The following PHIP variants were observed in gnomAD, a reference collection of about 807,000 sequenced individuals.
PHIP encodes the protein PHIP subunit of CUL4-Ring ligase complex.
A neutral mutation model predicts 236.8 loss-of-function variants in PHIP; 54 were observed. The ratio of observed to expected loss-of-function variants is 0.23; its 90% CI spans 0.18 to 0.29. The LOEUF (loss-of-function observed/expected upper bound fraction) is 0.29. PHIP is among the 10% of genes least tolerant of loss of function. The pLI is 1.00. For missense variants in PHIP, 1,370 were observed against 2,190.8 expected, an observed-to-expected ratio of 0.63 and a Z score of 7.48; for synonymous variants, 756 against 718.9, an observed-to-expected ratio of 1.05 and a Z score of -0.83.
chr6:79,018,174 G>C (rs1345717351), intron 10 of PHIP, among the ~76,000 whole-genome samples: 1 of 151,828 alleles, frequency 6.6e-6, no homozygotes, highest in Non-Finnish European at 1.5e-5. Context: ...TTTGCTAAAT[G>C]ATCTACCCAC....
chr6:78,977,187 T>C (rs1430447622), intron 24 of PHIP, among the ~76,000 whole-genome samples: 4 of 150,344 alleles, frequency 2.7e-5, no homozygotes, highest in Non-Finnish European at 4.4e-5. Flanking sequence ...CATGGAATAC[T>C]ATGCAGCTAT....
At chr6:78,995,010 G>A (rs1405864330) in intron 19 of PHIP, among the ~76,000 whole-genome samples, 2 of 152,076 alleles carry the variant, frequency 1.3e-5, no homozygotes, top group Non-Finnish European at 2.9e-5. Flanking sequence ...TTACTGCACT[G>A]GTCTGAAACC....
rs142999334 is a variant in PHIP, at chr6:78,970,989, C to G, written c.2890-101G>C. 9.3e-4 allele frequency: 671 copies of G among 724,010 alleles called. 9 individuals carry two copies. The highest frequency in any genetic ancestry group is 6.4e-3 in the South Asian group (359 of 55,686). 44.8% of individuals were successfully genotyped at this position (724,010 alleles called of 1,614,324 possible). ...GCAAAGAGAAAATCTAATGCCTTTT[C>G]AGCTAATAGAAATTCTAATATTTTC... On this transcript the variant is annotated intron_variant, in intron 24 of 39. Coordinates refer to ENST00000275034, the MANE Select transcript of PHIP (RefSeq NM_017934.7).
intron 4 of PHIP, among the ~76,000 whole-genome samples, chr6:79,063,221 A>G (rs994714002): frequency 4.9e-4 from 74 of 151,922 alleles, no homozygotes; most frequent in Admixed American, 4.9e-3. Context: ...TCTACCCAAT[A>G]CCTAATGCAG....
At chr6:79,050,222 T>C (rs1772720649) in intron 6 of PHIP, among the ~76,000 whole-genome samples, 1 of 152,182 alleles carries the variant, frequency 6.6e-6, no homozygotes, top group Admixed American at 6.5e-5. Flanking sequence ...CAGAACACTC[T>C]TACGACGTGT....
intron 4 of PHIP, among the ~76,000 whole-genome samples, chr6:79,065,699 GT>G (rs1385183224): frequency 2.7e-5 from 4 of 150,172 alleles, no homozygotes; most frequent in African/African-American, 9.8e-5. Context: ...GTAATTTAAT[GT>G]TTTTCTACTT....
intron 9 of PHIP, among the ~76,000 whole-genome samples, chr6:79,020,117 A>G (rs895674319): frequency 1.3e-5 from 2 of 152,038 alleles, no homozygotes; most frequent in African/African-American, 4.8e-5. Flanking sequence ...TATACATAAA[A>G]TATTTCTGAG....
chr6:79,075,372 G>A (rs1245656543), intron 4 of PHIP, among the ~76,000 whole-genome samples: 1 of 152,110 alleles, frequency 6.6e-6, no homozygotes, highest in African/African-American at 2.4e-5. Context: ...AGAACTCCAA[G>A]TTCTAATAAG....
chr6:79,015,133 C>T lies in PHIP; in HGVS notation c.1473G>A (p.Val491=). 3 of 1,611,652 alleles carry T rather than the reference C, an allele frequency of 1.9e-6. No homozygotes were observed. The highest frequency in any genetic ancestry group is 2.5e-6 in the Non-Finnish European group (3 of 1,178,126). ...VLFSAGHDGN[V]IVWDLARGVK... ...CTCCTCTTGCCAGATCCCACACTAT[C>T]ACGTTTCCATCATGACCAGCAGAAA... The change falls in exon 15 of 40, where the codon GTG becomes GTA. Residue 491 remains valine, a synonymous_variant. Transcript: ENST00000275034.
At chr6:79,047,802 AT>A (rs1034001166) in intron 6 of PHIP, among the ~76,000 whole-genome samples, 15 of 151,952 alleles carry the variant, frequency 9.9e-5, no homozygotes, top group African/African-American at 3.4e-4. Flanking sequence ...ATCTACTTAC[AT>A]TTTCTTTTAC....
In PHIP at chr6:79,077,840, C is replaced by G; in HGVS notation, c.99+15G>C. ...CGGCGAGCGCCGGCCCGGCCCGCGC[C>G]GCGCGCCGCCGTACCTGAGCCGCCT... On this transcript the variant is annotated intron_variant, in intron 2 of 39. Coordinates refer to ENST00000275034, the MANE Select transcript of PHIP (RefSeq NM_017934.7). 1.4e-6 allele frequency: 2 copies of G among 1,443,958 alleles called. No homozygotes were observed. Among genetic ancestry groups the G allele is most frequent in the Non-Finnish European group, 9.1e-7 (1 of 1,094,122 alleles). 89.4% of individuals were successfully genotyped at this position (1,443,958 alleles called of 1,614,324 possible).
chr6:78,935,577 AT>A lies in PHIP; in HGVS notation c.*5115del. The A allele has an allele frequency of 1.0e-6, 1 of 970,716 alleles. No individual in the cohort carries two copies. The highest frequency in any genetic ancestry group is 1.2e-6 in the Non-Finnish European group (1 of 816,488). 60.1% of individuals were successfully genotyped at this position (970,716 alleles called of 1,614,324 possible). A position where few individuals can be genotyped will look rare whatever the true frequency, so the allele number is the denominator to read the frequency against. On this transcript the variant is annotated 3_prime_UTR_variant, in exon 40 of 40. Transcript: ENST00000275034. ...TCATCACAGTAACTTACGGTAAGAAATCAATAAAATTGTTTTATTAAATGTA... is the reference window on the plus strand; with the variant it reads ...TCATCACAGTAACTTACGGTAAGAAACAATAAAATTGTTTTATTAAATGTA...
intron 15 of PHIP, among the ~76,000 whole-genome samples, chr6:79,013,026 C>A (rs1019284806): frequency 6.6e-6 from 1 of 151,718 alleles, no homozygotes; most frequent in South Asian, 2.1e-4. Context: ...AAAAAGCCAA[C>A]CATGACAAGA....
At chr6:78,996,694 T>C (rs535321471) in intron 19 of PHIP, among the ~76,000 whole-genome samples, 1 of 152,150 alleles carries the variant, frequency 6.6e-6, no homozygotes, top group Non-Finnish European at 1.5e-5. Context: ...ATAATCTATA[T>C]GAACATTAAG....
intron 15 of PHIP, among the ~76,000 whole-genome samples, chr6:79,010,090 GGAGGGAGAAAGGGAGGGTTGGGT>G (rs1055602402): frequency 2.0e-5 from 3 of 151,480 alleles, no homozygotes; most frequent in African/African-American, 4.8e-5. Flanking sequence ...AGGAAGGGAG[GGAGGGAGAAAGGGAGGGTTGGGT>G]GAGGGAGAAA....
rs568191519 is a variant in PHIP, at chr6:78,938,667, T to G, written c.*2026A>C. 1 of 151,836 alleles carries G rather than the reference T, an allele frequency of 6.6e-6. No individual in the cohort carries two copies. The highest frequency in any genetic ancestry group is 2.4e-5 in the African/African-American group (1 of 41,560). 9.4% of individuals were successfully genotyped at this position (151,836 alleles called of 1,614,324 possible). On this transcript the variant is annotated 3_prime_UTR_variant, in exon 40 of 40. Transcript: ENST00000275034. ...TATGAAGAGTTTAACTACTGAATTT[T>G]AATTTTATAGTTAAATATATTTGTT...
chr6:78,949,276 G>C (rs747876423), intron 35 of PHIP, among the ~76,000 whole-genome samples: 18 of 152,014 alleles, frequency 1.2e-4, no homozygotes, highest in Admixed American at 3.9e-4. Context: ...CTGGTACCTG[G>C]GGGGCCTTAC....
At chr6:79,071,438 T>A (rs990887291) in intron 4 of PHIP, among the ~76,000 whole-genome samples, 2 of 152,242 alleles carry the variant, frequency 1.3e-5, no homozygotes, top group Non-Finnish European at 2.9e-5. Context: ...CATAATTTCA[T>A]TGACATAGCT....
intron 21 of PHIP, among the ~76,000 whole-genome samples, chr6:78,987,889 C>T (rs1768967367): frequency 6.6e-6 from 1 of 152,154 alleles, no homozygotes; most frequent in Admixed American, 6.5e-5. Context: ...GCTTGGCTTT[C>T]AAGTAAAACA....
Sources: allele counts gnomAD v4.1 joint callset (sites outside exome capture counted in the v4.1 genomes callset), GRCh38; gene constraint gnomAD v4.1.1; transcripts MANE v1.5; gene names NCBI Gene and HGNC (gene_info 2026-07-23, HGNC 2026-07-21).